FMNL2: variants seen among roughly 807,000 people sequenced by gnomAD.
FMNL2 encodes formin-like protein 2.
FMNL2 carries 51 observed loss-of-function variants against 130.2 expected under a neutral mutation model. That is an observed-to-expected ratio of 0.39 (90% CI 0.31 to 0.49). The LOEUF is 0.49. Ranked by LOEUF, FMNL2 falls within the 20% of genes least tolerant of loss-of-function variation. The probability of loss-of-function intolerance (pLI) is 0.85; values close to 1 mark genes in which losing one functional copy is unlikely to be tolerated. For missense variants in FMNL2, 977 were observed against 1,316.2 expected, an observed-to-expected ratio of 0.74 and a Z score of 3.99; for synonymous variants, 465 against 467.1, an observed-to-expected ratio of 1.00 and a Z score of 0.06.
At chr2:152,387,465 AAAC>A (rs1341973774) in intron 1 of FMNL2, among the ~76,000 whole-genome samples, 1 of 152,242 alleles carries the variant, frequency 6.6e-6, no homozygotes, top group African/African-American at 2.4e-5. Context: ...ATCAGTCACA[AAAC>A]AAATTTAATT....
intron 1 of FMNL2, among the ~76,000 whole-genome samples, chr2:152,407,171 C>T (rs1686027744): frequency 6.8e-6 from 1 of 146,408 alleles, no homozygotes. Flanking sequence ...TTAAAGAACT[C>T]TAAAATATTT....
chr2:152,561,523 T>C (rs1171744063), intron 6 of FMNL2, among the ~76,000 whole-genome samples: 2 of 152,144 alleles, frequency 1.3e-5, no homozygotes, highest in Non-Finnish European at 2.9e-5. Context: ...TTTTTATTAG[T>C]GAGATGCCAT....
intron 2 of FMNL2, 63 bp from the exon 3 acceptor site, chr2:152,542,676 G>T (rs1331193610): frequency 6.5e-7 from 1 of 1,546,928 alleles, no homozygotes; most frequent in East Asian, 2.3e-5. Flanking sequence ...AACATAATCT[G>T]ATGTGGCTGA....
chr2:152,522,026 G>A lies in FMNL2; in HGVS notation c.201G>A (p.Gln67=). 1 of 1,603,436 alleles carries A rather than the reference G, an allele frequency of 6.2e-7. No homozygotes were observed. Among genetic ancestry groups the A allele is most frequent in the Non-Finnish European group, 8.5e-7 (1 of 1,176,846 alleles). ...AAAAATGGGAACTGATTTGTGATCA[G>A]GTAAGAAACAGTGACACTTTCTTTT... is the stretch of plus-strand genomic sequence containing the variant. ...NEKKWELICD[Q]ERFQVKNPPH... is the part of the protein sequence containing the mutation. The change falls in exon 2 of 26, where the codon CAG becomes CAA. Residue 67 remains glutamine (Q), a splice_region_variant and synonymous_variant. Coordinates refer to ENST00000288670, the MANE Select transcript of FMNL2 (RefSeq NM_052905.4).
chr2:152,632,401 CCT>C (rs1351172410), intron 21 of FMNL2, among the ~76,000 whole-genome samples: 1 of 152,150 alleles, frequency 6.6e-6, no homozygotes, highest in Non-Finnish European at 1.5e-5. Flanking sequence ...TATTCACTGC[CCT>C]TTTTATTCTG....
At chr2:152,474,178 A>T (rs1690015472) in intron 1 of FMNL2, among the ~76,000 whole-genome samples, 1 of 152,116 alleles carries the variant, frequency 6.6e-6, no homozygotes, top group African/African-American at 2.4e-5. Flanking sequence ...CACCTGGCCC[A>T]AATTTACTTA....
chr2:152,416,833 C>G (rs190706943), intron 1 of FMNL2, among the ~76,000 whole-genome samples: 122 of 152,308 alleles, frequency 8.0e-4, no homozygotes, highest in African/African-American at 2.8e-3. Context: ...ATTAAAAATA[C>G]AACAACATAA....
intron 9 of FMNL2, among the ~76,000 whole-genome samples, chr2:152,591,070 C>T (rs760115145): frequency 2.6e-4 from 34 of 133,194 alleles, no homozygotes; most frequent in Non-Finnish European, 3.5e-4. Flanking sequence ...GGTGCAGTGG[C>T]GCGATCTCAG....
intron 1 of FMNL2, among the ~76,000 whole-genome samples, chr2:152,402,945 C>G (rs1685788998): frequency 6.6e-6 from 1 of 152,116 alleles, no homozygotes; most frequent in Non-Finnish European, 1.5e-5. Flanking sequence ...TGTCGTGGAG[C>G]CCCAGGCTAT....
chr2:152,531,636 CA>C (rs1487962972), intron 2 of FMNL2, among the ~76,000 whole-genome samples: 5 of 151,974 alleles, frequency 3.3e-5, no homozygotes, highest in African/African-American at 1.2e-4. Context: ...ACACCACGCC[CA>C]GCTAATTTTT....
chr2:152,476,172 C>G (rs1690141349), intron 1 of FMNL2, among the ~76,000 whole-genome samples: 1 of 152,158 alleles, frequency 6.6e-6, no homozygotes, highest in Non-Finnish European at 1.5e-5. Context: ...AGTGTGGCTT[C>G]CTTTCAGAGA....
intron 4 of FMNL2, among the ~76,000 whole-genome samples, chr2:152,550,553 CT>C (rs950216029): frequency 5.3e-5 from 8 of 152,150 alleles, no homozygotes; most frequent in African/African-American, 1.9e-4. Context: ...GGTGCTTTGG[CT>C]CAAGTTGCTC....
intron 1 of FMNL2, among the ~76,000 whole-genome samples, chr2:152,399,976 T>A (rs1185341625): frequency 6.6e-6 from 1 of 152,004 alleles, no homozygotes; most frequent in East Asian, 1.9e-4. Context: ...GGTGTGACAT[T>A]TACTGAAACA....
At chr2:152,644,328 C>T (rs1488745815) in intron 25 of FMNL2, among the ~76,000 whole-genome samples, 1 of 152,232 alleles carries the variant, frequency 6.6e-6, no homozygotes, top group Non-Finnish European at 1.5e-5. Context: ...AGCATAATCA[C>T]CTGCCATATG....
At chr2:152,467,754 A>G (rs544960698) in intron 1 of FMNL2, among the ~76,000 whole-genome samples, 41 of 152,230 alleles carry the variant, frequency 2.7e-4, no homozygotes, top group Non-Finnish European at 5.3e-4. Context: ...AGGTTTTGCC[A>G]TGGAGTGCTT....
chr2:152,505,298 A>G (rs1016435156), intron 1 of FMNL2, among the ~76,000 whole-genome samples: 1 of 152,204 alleles, frequency 6.6e-6, no homozygotes, highest in East Asian at 1.9e-4. Flanking sequence ...GTTAATGAGT[A>G]AGAAATGTTG....
chr2:152,380,132 C>T (rs1265094224), intron 1 of FMNL2, among the ~76,000 whole-genome samples: 2 of 152,194 alleles, frequency 1.3e-5, no homozygotes, highest in Non-Finnish European at 2.9e-5. Flanking sequence ...TTGTGGCCAT[C>T]TCATCCTGGG....
chr2:152,362,706 T>G (rs1052499600), intron 1 of FMNL2, among the ~76,000 whole-genome samples: 2 of 152,186 alleles, frequency 1.3e-5, no homozygotes, highest in African/African-American at 4.8e-5. Flanking sequence ...CTGATTCTAT[T>G]TTGACTTAAG....
At chr2:152,364,416 A>C (rs989693287) in intron 1 of FMNL2, among the ~76,000 whole-genome samples, 3 of 152,088 alleles carry the variant, frequency 2.0e-5, no homozygotes, top group African/African-American at 4.8e-5. Flanking sequence ...AAATGTTGGC[A>C]GTTCTATCTT....
Sources: gnomAD v4.1 joint callset for allele counts (sites outside exome capture counted in the v4.1 genomes callset) on GRCh38, gnomAD v4.1.1 for gene constraint, MANE v1.5 for transcripts, NCBI Gene and HGNC (gene_info 2026-07-23, HGNC 2026-07-21) for gene names.